The following KRAS variants were observed in gnomAD, a reference collection of about 807,000 sequenced individuals.
KRAS encodes KRas proto-oncogene, GTPase, also known as GTPase KRas.
KRAS carries 1 observed loss-of-function variant against 21.0 expected under a neutral mutation model. The observed-to-expected ratio is 0.05, with a 90% CI of 0.02 to 0.23. The LOEUF is 0.23. KRAS is among the 10% of genes least tolerant of loss of function. The pLI is 1.00. For synonymous variants in KRAS, 67 were observed against 72.5 expected (o/e 0.92, Z 0.39); for missense variants, 107 against 221.8 (o/e 0.48, Z 3.29).
At chr12:25,229,035 G>A (rs1174589081) in intron 2 of KRAS, among the ~76,000 whole-genome samples, 1 of 152,110 alleles carries the variant, frequency 6.6e-6, no homozygotes, top group Non-Finnish European at 1.5e-5. Flanking sequence ...CTCCAGCCTG[G>A]CAACAGAGCA....
intron 1 of KRAS, among the ~76,000 whole-genome samples, chr12:25,250,309 T>G (rs1951747968): frequency 6.6e-6 from 1 of 151,578 alleles, no homozygotes; most frequent in African/African-American, 2.4e-5. Context: ...GGCAGCCGAG[T>G]GCTGGAAAGG....
In KRAS at chr12:25,207,605, CAGG is replaced by C. The variant is rs909864187; in HGVS notation, c.*2187_*2189del. The stretch of plus-strand genomic sequence containing the variant: ...AAACAATGGAATGTATTACTGTTAC[CAGG>C]AGTAGTCCTAGTTATAGATTACCTA... On this transcript the variant is annotated 3_prime_UTR_variant, in exon 5 of 5. Coordinates refer to ENST00000311936, the MANE Select transcript of KRAS (RefSeq NM_004985.5). The C allele has an allele frequency of 8.7e-6, 2 of 230,140 alleles. No homozygotes were observed. The highest frequency in any genetic ancestry group is 5.7e-5 in the Admixed American group (1 of 17,678). The allele number at this position is 230,140 out of a possible 1,614,324, so 14.3% of individuals were successfully genotyped here. A position where few individuals can be genotyped will look rare whatever the true frequency, so the allele number is the denominator to read the frequency against.
intron 2 of KRAS, chr12:25,233,787 A>G (rs1951508502): frequency 4.8e-6 from 1 of 206,636 alleles, no homozygotes; most frequent in Admixed American, 5.9e-5. Flanking sequence ...ATAGGTAATT[A>G]GTACTGCCTC....
intron 4 of KRAS, among the ~76,000 whole-genome samples, chr12:25,218,327 T>C (rs759382886): frequency 2.0e-5 from 3 of 148,562 alleles, no homozygotes; most frequent in Non-Finnish European, 4.4e-5. Context: ...GAAGCAAATT[T>C]TGATTTTAAC....
chr12:25,242,491 A>G (rs1308456204), intron 2 of KRAS, among the ~76,000 whole-genome samples: 1 of 152,196 alleles, frequency 6.6e-6, no homozygotes, highest in Non-Finnish European at 1.5e-5. Context: ...TTGAGTTTTC[A>G]ATAATCTTGC....
intron 1 of KRAS, among the ~76,000 whole-genome samples, chr12:25,248,607 G>GAA (rs543111248): frequency 2.8e-4 from 42 of 148,298 alleles, no homozygotes; most frequent in East Asian, 6.0e-4. Flanking sequence ...GTTGTTTCCA[G>GAA]AAAAAAAAAA....
At chr12:25,225,404 G>T in intron 4 of KRAS, 1 of 445,868 alleles carries the variant, frequency 2.2e-6, no homozygotes, top group South Asian at 2.6e-5. Flanking sequence ...GAATTGAAGA[G>T]AAATTTTCAA....
intron 4 of KRAS, 127 bp downstream of exon 4, chr12:25,225,487 A>G: frequency 9.8e-7 from 1 of 1,015,790 alleles, no homozygotes; most frequent in South Asian, 1.4e-5. Flanking sequence ...TCAAGAGACA[A>G]AAACATTTAC....
intron 2 of KRAS, among the ~76,000 whole-genome samples, chr12:25,238,133 C>G (rs1325943067): frequency 6.6e-6 from 1 of 152,108 alleles, no homozygotes; most frequent in Admixed American, 6.5e-5. Context: ...ATGCTGGATA[C>G]TTAAAATTAT....
At chr12:25,213,621 T>C (rs985496352) in intron 4 of KRAS, among the ~76,000 whole-genome samples, 3 of 152,210 alleles carry the variant, frequency 2.0e-5, no homozygotes, top group Non-Finnish European at 2.9e-5. Context: ...TCTTTTGGGA[T>C]TGAGTCTACT....
At position 25,209,168 on chromosome 12, in the gene KRAS, T is replaced by C; in HGVS notation, c.*627A>G. On this transcript the variant is annotated 3_prime_UTR_variant, in exon 5 of 5. Transcript: ENST00000311936. ...TATAATAGTTTCCATTGCCTTGTAA[T>C]TTTTTTCCATTTTTTTCTTTTTATA... 1 of 657,898 alleles carries C rather than the reference T, an allele frequency of 1.5e-6. No homozygotes were observed. The highest frequency in any genetic ancestry group is 2.7e-6 in the Non-Finnish European group (1 of 367,116). 40.8% of individuals were successfully genotyped at this position (657,898 alleles called of 1,614,324 possible).
At chr12:25,228,317 G>T (rs1398899930) in intron 2 of KRAS, among the ~76,000 whole-genome samples, 1 of 149,696 alleles carries the variant, frequency 6.7e-6, no homozygotes, top group Non-Finnish European at 1.5e-5. Flanking sequence ...AGCTCCATCT[G>T]ATTTTGGATT....
chr12:25,221,048 A>AAAAAT (rs1951317303), intron 4 of KRAS, among the ~76,000 whole-genome samples: 1 of 138,164 alleles, frequency 7.2e-6, no homozygotes, highest in African/African-American at 2.7e-5. Flanking sequence ...AAAAAAAAAA[A>AAAAAT]GAGTACTAGG....
intron 4 of KRAS, among the ~76,000 whole-genome samples, chr12:25,214,322 G>T (rs538900250): frequency 1.3e-5 from 2 of 152,096 alleles, no homozygotes; most frequent in African/African-American, 4.8e-5. Context: ...TGGAGTGGTG[G>T]GAAGGTAGTA....
chr12:25,209,115 TTTA>T lies in KRAS; in HGVS notation c.*677_*679del. ...AAGCTATTAGGAGTCTTTATAGTAA[TTTA>T]TCTAATGTGAAAAGGAAATGGCCTT... On this transcript the variant is annotated 3_prime_UTR_variant, in exon 5 of 5. Transcript: ENST00000311936. 1.9e-6 allele frequency: 1 copy of T among 537,816 alleles called. No individual in the cohort carries two copies. Among genetic ancestry groups the T allele is most frequent in the Non-Finnish European group, 3.3e-6 (1 of 305,506 alleles). The allele number at this position is 537,816 out of a possible 1,614,324, so 33.3% of individuals were successfully genotyped here. A position where few individuals can be genotyped will look rare whatever the true frequency, so the allele number is the denominator to read the frequency against.
chr12:25,217,587 T>G (rs1293283716), intron 4 of KRAS, among the ~76,000 whole-genome samples: 1 of 152,192 alleles, frequency 6.6e-6, no homozygotes, highest in Non-Finnish European at 1.5e-5. Flanking sequence ...CTACAAACTT[T>G]CAACTACATT....
intron 4 of KRAS, among the ~76,000 whole-genome samples, chr12:25,223,295 T>C (rs4485191): frequency 6.6e-6 from 1 of 152,140 alleles, no homozygotes; most frequent in Non-Finnish European, 1.5e-5. Context: ...AATTTTGTAT[T>C]TGAAAATGTT....
At chr12:25,213,495 A>G (rs1248994254) in intron 4 of KRAS, among the ~76,000 whole-genome samples, 1 of 152,372 alleles carries the variant, frequency 6.6e-6, no homozygotes, top group East Asian at 1.9e-4. Context: ...CTTTAATTGC[A>G]AAATATTGCT....
intron 1 of KRAS, among the ~76,000 whole-genome samples, chr12:25,246,320 G>C (rs1951679917): frequency 1.3e-5 from 2 of 152,328 alleles, no homozygotes; most frequent in South Asian, 4.1e-4. Flanking sequence ...CACTTTCAGA[G>C]GCCAAGGCGG....
Sources: gnomAD v4.1 joint callset for allele counts (sites outside exome capture counted in the v4.1 genomes callset) on GRCh38, gnomAD v4.1.1 for gene constraint, MANE v1.5 for transcripts, NCBI Gene and HGNC (gene_info 2026-07-23, HGNC 2026-07-21) for gene names.